TLN2: variants seen among roughly 807,000 people sequenced by gnomAD.
TLN2 encodes the protein talin-2.
In TLN2, 118 loss-of-function variants were observed where a neutral mutation model predicts 294.7. That is an observed-to-expected ratio of 0.40 (90% CI 0.34 to 0.47). The LOEUF is 0.47. Among genes scored for constraint, TLN2 ranks in the 20% least tolerant of loss-of-function variants. The pLI, the probability that TLN2 is intolerant of heterozygous loss-of-function variation, is 0.84. For synonymous variants in TLN2, 1,431 were observed against 1,304.5 expected (o/e 1.10, Z -2.09); for missense variants, 3,083 against 3,282.2 (o/e 0.94, Z 1.48).
At chr15:62,524,248 T>C (rs570116342) in intron 1 of TLN2, among the ~76,000 whole-genome samples, 13 of 152,224 alleles carry the variant, frequency 8.5e-5, no homozygotes, top group Non-Finnish European at 1.9e-4. Context: ...ACTGTTCATG[T>C]TTAGTTTAGT....
chr15:62,756,346 C>A (rs1595890052), intron 37 of TLN2, among the ~76,000 whole-genome samples: 1 of 152,098 alleles, frequency 6.6e-6, no homozygotes, highest in Non-Finnish European at 1.5e-5. Flanking sequence ...AATCACTAGG[C>A]CTTAGTACTT....
At chr15:62,833,399 A>T in intron 54 of TLN2, 105 bp from the exon 55 acceptor site, 1 of 1,502,402 alleles carries the variant, frequency 6.7e-7, no homozygotes, top group Non-Finnish European at 9.0e-7. Flanking sequence ...TCAACAAAAA[A>T]CAATAGGCAG....
At chr15:62,631,675 T>TCTTTCCG (rs1567222544) in intron 3 of TLN2, among the ~76,000 whole-genome samples, 3 of 146,886 alleles carry the variant, frequency 2.0e-5, no homozygotes, top group African/African-American at 7.6e-5. Flanking sequence ...TTCTCTTTCC[T>TCTTTCCG]CCTCTCTTTC....
intron 2 of TLN2, among the ~76,000 whole-genome samples, chr15:62,602,614 C>G (rs182264992): frequency 6.6e-6 from 1 of 152,296 alleles, no homozygotes; most frequent in East Asian, 1.9e-4. Flanking sequence ...GATCAGGGCA[C>G]AGGCCGATTC....
intron 3 of TLN2, among the ~76,000 whole-genome samples, chr15:62,643,925 A>C (rs906441568): frequency 6.6e-6 from 1 of 152,146 alleles, no homozygotes; most frequent in African/African-American, 2.4e-5. Context: ...CTCTAGGACT[A>C]TAATAAGGTG....
Position 62,675,280 on chromosome 15 carries a change from C to A in TLN2, c.916C>A (p.Arg306=). The part of the protein sequence containing the change: ...EAKVKYVKLA[R]SLRTYGVSFF... ...CAAGGTCAAGTACGTCAAACTCGCA[C>A]GGTCCCTCCGCACATATGGCGTGTC... Residue 306 remains arginine, a synonymous_variant, in exon 11 of 59, where the codon CGG becomes AGG. Transcript: ENST00000636159. 6.2e-7 allele frequency: 1 copy of A among 1,614,238 alleles called. No homozygotes were observed. The highest frequency in any genetic ancestry group is 1.1e-5 in the South Asian group (1 of 91,086).
At chr15:62,761,503 G>A (rs1186447631) in intron 37 of TLN2, among the ~76,000 whole-genome samples, 178 bp from the exon 38 acceptor site, 1 of 152,086 alleles carries the variant, frequency 6.6e-6, no homozygotes, top group Non-Finnish European at 1.5e-5. Flanking sequence ...ATCTAACTGG[G>A]CCCCTCTGCT....
chr15:62,736,860 A>G lies in TLN2; in HGVS notation c.3359-18A>G, dbSNP rs2061045082. On this transcript the variant is annotated intron_variant, in intron 28 of 58. Transcript: ENST00000636159. ...TAGATGGAGTCTAATTGGAAATCTG[A>G]TGGACTTTTTCCCCCAGGGGTGGCT... The G allele has an allele frequency of 2.5e-6, 4 of 1,610,982 alleles. No homozygotes were observed. The highest frequency in any genetic ancestry group is 1.3e-5 in the African/African-American group (1 of 74,980).
chr15:62,691,184 C>G (rs538503879), intron 12 of TLN2, among the ~76,000 whole-genome samples: 1 of 152,264 alleles, frequency 6.6e-6, no homozygotes, highest in East Asian at 1.9e-4. Flanking sequence ...TTCAGCTACT[C>G]TATTTTTATC....
At chr15:62,680,334 A>G (rs2056705734) in intron 11 of TLN2, among the ~76,000 whole-genome samples, 1 of 152,186 alleles carries the variant, frequency 6.6e-6, no homozygotes, top group Non-Finnish European at 1.5e-5. Context: ...ATTGCTTTCA[A>G]CATTTTGTAA....
rs201643855 is a variant in TLN2, at chr15:62,820,628, G to C, written c.7002+18G>C. On this transcript the variant is annotated intron_variant, in intron 54 of 58. Coordinates refer to ENST00000636159, the MANE Select transcript of TLN2 (RefSeq NM_015059.3). Reference sequence around the variant, plus strand: ...AACCAAAAGTAAGTGTTCATTTATGGTTGGCTGTCCGATGTCAGTGGGTTC... The same window carrying C: ...AACCAAAAGTAAGTGTTCATTTATGCTTGGCTGTCCGATGTCAGTGGGTTC... The C allele has an allele frequency of 8.0e-5, 128 of 1,610,020 alleles. No homozygotes were observed. The highest frequency in any genetic ancestry group is 1.7e-4 in the Middle Eastern group (1 of 6,020).
chr15:62,650,489 C>T (rs1413254659), intron 5 of TLN2, among the ~76,000 whole-genome samples: 4 of 152,056 alleles, frequency 2.6e-5, no homozygotes, highest in Admixed American at 6.5e-5. Flanking sequence ...ATTCCTATGC[C>T]TGGAGATGGG....
At chr15:62,578,100 A>C in intron 1 of TLN2, among the ~76,000 whole-genome samples, 1 of 152,220 alleles carries the variant, frequency 6.6e-6, no homozygotes, top group South Asian at 2.1e-4. Context: ...TCACTGATGG[A>C]CATTTGGGTT....
chr15:62,562,686 C>T (rs2043061142), intron 1 of TLN2, among the ~76,000 whole-genome samples: 1 of 151,944 alleles, frequency 6.6e-6, no homozygotes, highest in South Asian at 2.1e-4. Flanking sequence ...TCTTTTATCC[C>T]TCACCCACTT....
rs375211535 is a variant in TLN2, at chr15:62,720,737, ATAT to A, written c.2991+861_2991+863del. Among the ~76,000 whole-genome samples the A allele has an allele frequency of 8.4e-4, 128 of 151,996 alleles. 1 individual carries two copies. The highest frequency in any genetic ancestry group is 3.1e-3 in the African/African-American group (127 of 41,466). On this transcript the variant is annotated intron_variant, in intron 25 of 58. Coordinates refer to ENST00000636159, the MANE Select transcript of TLN2 (RefSeq NM_015059.3). ...AGGCCCTTTGTGTTTTTCATCTAACATATTATGAGTGTTTATGATTTTGAATAA... is the reference window on the plus strand; with the variant it reads ...AGGCCCTTTGTGTTTTTCATCTAACATATGAGTGTTTATGATTTTGAATAA...
intron 32 of TLN2, among the ~76,000 whole-genome samples, chr15:62,744,322 T>C (rs1293555932): frequency 1.3e-5 from 2 of 152,118 alleles, no homozygotes; most frequent in Non-Finnish European, 2.9e-5. Flanking sequence ...TACCTTGTCT[T>C]CTCATTGTCT....
In TLN2 at chr15:62,761,552, T is replaced by A. The variant is rs981309115; in HGVS notation, c.4639-129T>A. 14 of 1,313,198 alleles carry A rather than the reference T, an allele frequency of 1.1e-5. No individual in the cohort carries two copies. The African/African-American group carries it at 2.0e-4, about 19-fold the overall frequency. 81.3% of individuals were successfully genotyped at this position (1,313,198 alleles called of 1,614,324 possible). A position where few individuals can be genotyped will look rare whatever the true frequency, so the allele number is the denominator to read the frequency against. On this transcript the variant is annotated intron_variant, in intron 37 of 58. Coordinates refer to ENST00000636159, the MANE Select transcript of TLN2 (RefSeq NM_015059.3). The stretch of plus-strand genomic sequence containing the variant: ...CTCTTTCATCAGTTCCTATTTATTG[T>A]TTATGAAGTCACCAGAGATTTTCAG...
rs936931473 is a variant in TLN2, at chr15:62,647,553, A to C, written c.136+107A>C. 9 of 1,445,974 alleles carry C rather than the reference A, an allele frequency of 6.2e-6. No individual in the cohort carries two copies. The African/African-American group carries it at 1.1e-4, about 18-fold the overall frequency. The allele number at this position is 1,445,974 out of a possible 1,614,324, so 89.6% of individuals were successfully genotyped here. ...GTGGTACACAAGCCTATTAGTGCAT[A>C]TGTTTCAAATGAAATACCTTCTTAG... On this transcript the variant is annotated intron_variant, in intron 4 of 58. Transcript: ENST00000636159.
chr15:62,623,444 T>C (rs2049005252), intron 3 of TLN2, among the ~76,000 whole-genome samples: 1 of 152,214 alleles, frequency 6.6e-6, no homozygotes, highest in Non-Finnish European at 1.5e-5. Context: ...AAAACCAACT[T>C]ACATTCATGA....
Sources: allele counts gnomAD v4.1 joint callset (sites outside exome capture counted in the v4.1 genomes callset), GRCh38; gene constraint gnomAD v4.1.1; transcripts MANE v1.5; gene names NCBI Gene and HGNC (gene_info 2026-07-23, HGNC 2026-07-21).